Variants in ZNF717 observed in about 807,000 individuals in gnomAD.
ZNF717 encodes the protein zinc finger protein 717.
Under a neutral mutation model 13.8 loss-of-function variants are expected in ZNF717, and 9 were observed. That is an observed-to-expected ratio of 0.65 (90% confidence interval 0.39 to 1.14). The LOEUF (loss-of-function observed/expected upper bound fraction) is 1.14. ZNF717 is among the 50% of genes most tolerant of loss of function. ZNF717 has a pLI of 0.01. For missense variants in ZNF717, 1,040 were observed against 1,080.7 expected (o/e 0.96, Z 0.53); for synonymous variants, 327 against 364.1 (o/e 0.90, Z 1.16).
chr3:75,774,381 T>G (rs184236815), intron 2 of ZNF717, among the ~76,000 whole-genome samples: 272 of 152,150 alleles, frequency 1.8e-3, no homozygotes, highest in African/African-American at 5.9e-3. Context: ...TTAATAGGCT[T>G]CCCAAAATCA....
chr3:75,761,693 C>G (rs1281264255), intron 2 of ZNF717, among the ~76,000 whole-genome samples: 2 of 152,202 alleles, frequency 1.3e-5, no homozygotes, highest in Non-Finnish European at 2.9e-5. Context: ...GTAACACACA[C>G]AAGTCAGTTG....
intron 2 of ZNF717, among the ~76,000 whole-genome samples, chr3:75,778,783 C>A (rs577163476): frequency 1.4e-5 from 2 of 138,554 alleles, no homozygotes; most frequent in Non-Finnish European, 3.0e-5. Context: ...AAACCAGAAA[C>A]CCAAAACAAT....
chr3:75,782,208 A>G (rs1054767293), intron 2 of ZNF717, among the ~76,000 whole-genome samples: 5 of 152,238 alleles, frequency 3.3e-5, no homozygotes, highest in African/African-American at 9.6e-5. Flanking sequence ...TTTAGAAGAA[A>G]TAAGTTAGGA....
At chr3:75,729,433 T>C (rs1397793197), downstream of ZNF717, among the ~76,000 whole-genome samples, 1 of 152,194 alleles carries the variant, frequency 6.6e-6, no homozygotes, top group Non-Finnish European at 1.5e-5. Context: ...CTGACCAACA[T>C]GGAGAATCCC....
intron 4 of ZNF717, among the ~76,000 whole-genome samples, chr3:75,720,863 A>G (rs1257688254): frequency 6.6e-6 from 1 of 152,160 alleles, no homozygotes; most frequent in Admixed American, 6.5e-5. Context: ...ATAAAAAGCA[A>G]TCGCCTTTCT....
chr3:75,761,503 C>T (rs551018740), intron 2 of ZNF717, among the ~76,000 whole-genome samples: 1 of 152,210 alleles, frequency 6.6e-6, no homozygotes, highest in Non-Finnish European at 1.5e-5. Flanking sequence ...CTTCTATTCA[C>T]CACAGTACTG....
chr3:75,708,203 T>C (rs1575714484), downstream of ZNF717, among the ~76,000 whole-genome samples: 1 of 152,240 alleles, frequency 6.6e-6, no homozygotes, highest in African/African-American at 2.4e-5. Flanking sequence ...CACCCCCCAG[T>C]AGGGGCAGAC....
In ZNF717 at chr3:75,783,380, A is replaced by T; in HGVS notation, c.-2-16T>A. 1 of 1,548,604 alleles carries T rather than the reference A, an allele frequency of 6.5e-7. No homozygotes were observed. Among genetic ancestry groups the T allele is most frequent in the South Asian group, 1.2e-5 (1 of 83,994 alleles). ...GGAAACATAGCTGAGAGAGAAGGCA[A>T]ATGACGTGAATTAAGGAGAGAACTG... On this transcript the variant is annotated splice_polypyrimidine_tract_variant and intron_variant, in intron 1 of 4. Transcript: ENST00000652011.
At chr3:75,714,429 T>C (rs377146542) in intron 5 of ZNF717, among the ~76,000 whole-genome samples, 5 of 152,122 alleles carry the variant, frequency 3.3e-5, no homozygotes, top group African/African-American at 1.2e-4. Context: ...TGGTTTTTCC[T>C]AGGTTATGAT....
rs1939378706 is a variant in ZNF717, at chr3:75,737,136, G to C, written c.2487C>G (p.Leu829=). The C allele has an allele frequency of 5.1e-6, 8 of 1,565,610 alleles. No homozygotes were observed. The East Asian group carries it at 1.2e-4, about 23-fold the overall frequency. ...CTGTGTGAGTTCTGTGATGTACAAA[G>C]AGTTTTGACTTCTGGGAGAAGGTTT... The part of the protein sequence containing the change: ...CRKTFSQKSK[L]FVHHRTHTGE... Residue 829 remains leucine (L), a synonymous_variant, in exon 5 of 5, where the codon CTC becomes CTG. Coordinates refer to ENST00000652011, the MANE Select transcript of ZNF717 (RefSeq NM_001290208.3).
At chr3:75,694,796 T>C (rs1168197197) in intron 6 of ZNF717, among the ~76,000 whole-genome samples, 2 of 152,232 alleles carry the variant, frequency 1.3e-5, no homozygotes, top group Non-Finnish European at 2.9e-5. Context: ...ATGTATTATA[T>C]TGTTTTCAAG....
At chr3:75,760,766 A>G (rs1942936384) in intron 2 of ZNF717, among the ~76,000 whole-genome samples, 1 of 121,102 alleles carries the variant, frequency 8.3e-6, no homozygotes, top group Non-Finnish European at 1.9e-5. Flanking sequence ...AAAAAAAACT[A>G]ATGACAAACC....
chr3:75,712,592 C>T (rs75703615), intron 5 of ZNF717, among the ~76,000 whole-genome samples: 4 of 152,294 alleles, frequency 2.6e-5, no homozygotes, highest in Non-Finnish European at 4.4e-5. Flanking sequence ...CATTCTTGGG[C>T]TTTCCACTTT....
At position 75,735,942 on chromosome 3, in the gene ZNF717, G is replaced by A. The variant is rs1939131822; in HGVS notation, c.*936C>T. On this transcript the variant is annotated 3_prime_UTR_variant, in exon 5 of 5. Coordinates refer to ENST00000652011, the MANE Select transcript of ZNF717 (RefSeq NM_001290208.3). ...AATTAAAGATTTGTGGCCACGAAGT[G>A]CTCAGCAAGCCTGACCAGCACCATT... 6.6e-6 allele frequency: 1 copy of A among 152,130 alleles called. No individual in the cohort carries two copies. Among genetic ancestry groups the A allele is most frequent in the African/African-American group, 2.4e-5 (1 of 41,410 alleles). The allele number at this position is 152,130 out of a possible 1,614,324, so 9.4% of individuals were successfully genotyped here.
At chr3:75,733,653 C>A (rs1938795685), downstream of ZNF717, among the ~76,000 whole-genome samples, 1 of 151,108 alleles carries the variant, frequency 6.6e-6, no homozygotes, top group Non-Finnish European at 1.5e-5. Flanking sequence ...GGGGTGGGAG[C>A]TCATAGTCCT....
intron 2 of ZNF717, among the ~76,000 whole-genome samples, chr3:75,772,394 G>C (rs1193515333): frequency 6.6e-6 from 1 of 152,212 alleles, no homozygotes; most frequent in Non-Finnish European, 1.5e-5. Context: ...CAAATTGCAG[G>C]CAAGAAGGAG....
chr3:75,713,384 C>T (rs1937984414), intron 5 of ZNF717, among the ~76,000 whole-genome samples: 3 of 152,032 alleles, frequency 2.0e-5, no homozygotes, highest in Admixed American at 6.6e-5. Flanking sequence ...CTCCTGGGCT[C>T]AAGCGATCCA....
exon 6 of ZNF717, chr3:75,710,034 C>T (rs1223255320): frequency 6.6e-6 from 1 of 152,102 alleles, no homozygotes; most frequent in Non-Finnish European, 1.5e-5. Context: ...GCTAAGTCTA[C>T]CTGGAGTTCA....
chr3:75,734,028 A>G (rs1193583861), downstream of ZNF717, among the ~76,000 whole-genome samples: 18 of 144,122 alleles, frequency 1.2e-4, no homozygotes, highest in African/African-American at 4.1e-4. Context: ...CTAGAGGAAA[A>G]AAAAAGATAC....
Sources: gnomAD v4.1 joint callset for allele counts (sites outside exome capture counted in the v4.1 genomes callset) on GRCh38, gnomAD v4.1.1 for gene constraint, MANE v1.5 for transcripts, NCBI Gene and HGNC (gene_info 2026-07-23, HGNC 2026-07-21) for gene names.